The following ADGRL3 variants were observed in gnomAD, a reference collection of about 807,000 sequenced individuals.
ADGRL3 encodes the protein calcium-independent alpha-latrotoxin receptor 3.
Under a neutral mutation model 153.5 loss-of-function variants are expected in ADGRL3, and 62 were observed. The ratio of observed to expected loss-of-function variants is 0.40; its 90% CI spans 0.33 to 0.50. The LOEUF (loss-of-function observed/expected upper bound fraction) is 0.50, where lower values mean the gene tolerates loss of function less well. Among genes scored for constraint, ADGRL3 ranks in the 20% least tolerant of loss-of-function variants. The probability of loss-of-function intolerance (pLI) is 0.47; values close to 1 mark genes in which losing one functional copy is unlikely to be tolerated. For missense variants in ADGRL3, 1,641 were observed against 1,859.4 expected, an observed-to-expected ratio of 0.88 and a Z score of 2.16; for synonymous variants, 710 against 672.5, an observed-to-expected ratio of 1.06 and a Z score of -0.86.
chr4:61,226,006 A>G (rs1205468939), intron 1 of ADGRL3, among the ~76,000 whole-genome samples: 1 of 151,966 alleles, frequency 6.6e-6, no homozygotes, highest in Non-Finnish European at 1.5e-5. Context: ...TTTCCGTAAC[A>G]GCTCTCAGAG....
chr4:62,003,415 T>C (rs1364094655), intron 21 of ADGRL3, among the ~76,000 whole-genome samples: 3 of 152,116 alleles, frequency 2.0e-5, no homozygotes, highest in Admixed American at 6.6e-5. Flanking sequence ...AGTAATAACT[T>C]GAGTGTCAAA....
At chr4:61,798,598 GTTTATTTATTTATTTA>G (rs10548703) in intron 8 of ADGRL3, among the ~76,000 whole-genome samples, 2 of 150,396 alleles carry the variant, frequency 1.3e-5, no homozygotes, top group East Asian at 2.0e-4. Flanking sequence ...TTATTTGTTT[GTTTATTTATTTATTTA>G]TTTATTTATT....
At chr4:61,559,968 C>T (rs898318240) in intron 4 of ADGRL3, among the ~76,000 whole-genome samples, 4 of 151,994 alleles carry the variant, frequency 2.6e-5, no homozygotes, top group Admixed American at 2.6e-4. Flanking sequence ...TCTTCTTTCT[C>T]TTTGATCCTT....
rs2151945399 is a variant in ADGRL3 at position 62,073,811 on chromosome 4, T to G, written c.*2903T>G. ...TTGCATCAAGAAAAAAGAGTGAGAT[T>G]TTTGAACTCTATACATCATAAATGG... is the stretch of plus-strand genomic sequence containing the variant. On this transcript the variant is annotated 3_prime_UTR_variant, in exon 27 of 27. Coordinates refer to ENST00000683033, the MANE Select transcript of ADGRL3 (RefSeq NM_001387552.1). The G allele has an allele frequency of 6.6e-6, 1 of 152,120 alleles. No individual in the cohort carries two copies. The highest frequency in any genetic ancestry group is 2.4e-5 in the African/African-American group (1 of 41,504). 9.4% of individuals were successfully genotyped at this position (152,120 alleles called of 1,614,324 possible). A position where few individuals can be genotyped will look rare whatever the true frequency, so the allele number is the denominator to read the frequency against.
At chr4:61,558,338 T>C (rs955233924) in intron 4 of ADGRL3, among the ~76,000 whole-genome samples, 2 of 151,518 alleles carry the variant, frequency 1.3e-5, no homozygotes, top group Admixed American at 6.6e-5. Context: ...TCCTTGGACT[T>C]TTCTAGTCTG....
chr4:61,770,621 G>T (rs760877746), intron 8 of ADGRL3, among the ~76,000 whole-genome samples: 1 of 152,300 alleles, frequency 6.6e-6, no homozygotes, highest in South Asian at 2.1e-4. Context: ...AGAAGGATGG[G>T]TGGGCTTTGA....
intron 17 of ADGRL3, among the ~76,000 whole-genome samples, chr4:61,976,749 C>T (rs912236520): frequency 1.3e-5 from 2 of 152,150 alleles, no homozygotes; most frequent in Non-Finnish European, 2.9e-5. Context: ...GCTCCCCCTT[C>T]GCCTTCTGCC....
chr4:61,836,904 AG>A (rs751848082), intron 9 of ADGRL3, among the ~76,000 whole-genome samples: 1 of 152,156 alleles, frequency 6.6e-6, no homozygotes, highest in Non-Finnish European at 1.5e-5. Flanking sequence ...TCGAAGACTT[AG>A]GAAATATCAT....
At chr4:61,749,664 A>T (rs1038393428) in intron 8 of ADGRL3, among the ~76,000 whole-genome samples, 2 of 151,850 alleles carry the variant, frequency 1.3e-5, no homozygotes, top group Non-Finnish European at 2.9e-5. Context: ...AACAATGAGA[A>T]CACATGGACA....
At chr4:61,636,618 A>T (rs1393594603) in intron 5 of ADGRL3, among the ~76,000 whole-genome samples, 4 of 152,206 alleles carry the variant, frequency 2.6e-5, no homozygotes, top group Middle Eastern at 3.4e-3. Flanking sequence ...TTTTTAGGCT[A>T]AAAAGAAATG....
intron 1 of ADGRL3, among the ~76,000 whole-genome samples, chr4:61,260,979 G>A (rs1285534276): frequency 2.7e-4 from 41 of 152,106 alleles, no homozygotes; most frequent in Non-Finnish European, 1.5e-5. Context: ...TCCCCTCTTG[G>A]CATCCCAAAA....
chr4:61,592,715 T>C lies in ADGRL3; in HGVS notation c.473+5275T>C, dbSNP rs532077404. ...ATGTCTGCTAAATTACTTTCAAGTA[T>C]TTCTTGCTATTAATTTAATTTTGAA... On this transcript the variant is annotated intron_variant, in intron 5 of 26. Coordinates refer to ENST00000683033, the MANE Select transcript of ADGRL3 (RefSeq NM_001387552.1). Among the ~76,000 whole-genome samples, 4 of 152,328 alleles carry C rather than the reference T, an allele frequency of 2.6e-5. No homozygotes were observed. The South Asian group carries it at 6.2e-4, about 24-fold the overall frequency.
chr4:61,476,517 C>G (rs1400330346), intron 2 of ADGRL3, among the ~76,000 whole-genome samples: 4 of 151,756 alleles, frequency 2.6e-5, no homozygotes, highest in African/African-American at 9.7e-5. Context: ...ACCAGCCTGA[C>G]CAACATGGAG....
At chr4:61,206,320 A>T (rs1737181775) in intron 1 of ADGRL3, among the ~76,000 whole-genome samples, 1 of 152,172 alleles carries the variant, frequency 6.6e-6, no homozygotes, top group African/African-American at 2.4e-5. Context: ...TATTTTTGGG[A>T]TGGAAAAATA....
At chr4:61,758,016 T>G (rs959056250) in intron 8 of ADGRL3, among the ~76,000 whole-genome samples, 1 of 152,200 alleles carries the variant, frequency 6.6e-6, no homozygotes, top group South Asian at 2.1e-4. Context: ...TCTTTTACAT[T>G]TGCTGAGGAG....
intron 1 of ADGRL3, among the ~76,000 whole-genome samples, chr4:61,205,153 A>G (rs1228538642): frequency 6.6e-6 from 1 of 152,216 alleles, no homozygotes; most frequent in African/African-American, 2.4e-5. Context: ...CTATAAAGTC[A>G]TGAGGATTGA....
rs995381467 is a variant in ADGRL3 at position 61,201,179 on chromosome 4, G to C, written c.-826G>C. On this transcript the variant is annotated 5_prime_UTR_variant, in exon 1 of 27. Transcript: ENST00000683033. ...GTGGAAGAAGAAAAAGAAAGAGAAG[G>C]GGGGTGGGGTGGGAGAACTGGATAT... The C allele has an allele frequency of 3.3e-5, 5 of 152,730 alleles. No individual in the cohort carries two copies. The highest frequency in any genetic ancestry group is 2.0e-4 in the East Asian group (1 of 5,122). 9.5% of individuals were successfully genotyped at this position (152,730 alleles called of 1,614,324 possible).
chr4:61,700,855 G>C (rs547207862), intron 6 of ADGRL3, among the ~76,000 whole-genome samples: 2 of 152,234 alleles, frequency 1.3e-5, no homozygotes, highest in Non-Finnish European at 2.9e-5. Flanking sequence ...GAGCTAGGGA[G>C]AGAAAGAATA....
intron 2 of ADGRL3, among the ~76,000 whole-genome samples, chr4:61,456,477 C>CTATA (rs1173239786): frequency 7.6e-5 from 8 of 105,710 alleles, no homozygotes; most frequent in African/African-American, 2.9e-4. Context: ...ATATCTATAT[C>CTATA]TATATATATA....
Sources: gnomAD v4.1 joint callset for allele counts (sites outside exome capture counted in the v4.1 genomes callset) on GRCh38, gnomAD v4.1.1 for gene constraint, MANE v1.5 for transcripts, NCBI Gene and HGNC (gene_info 2026-07-23, HGNC 2026-07-21) for gene names.